The following SFMBT1 variants were observed in gnomAD, a reference collection of about 807,000 sequenced individuals.
The protein encoded by SFMBT1 is Scm like with four mbt domains 1, also known as scm-like with four MBT domains protein 1.
Under a neutral mutation model 108.7 loss-of-function variants are expected in SFMBT1, and 32 were observed. That is an observed-to-expected ratio of 0.29 (90% CI 0.22 to 0.40). The LOEUF (loss-of-function observed/expected upper bound fraction) is 0.40, where lower values mean the gene tolerates loss of function less well. Among genes scored for constraint, SFMBT1 ranks in the 10% least tolerant of loss-of-function variants. The pLI is 1.00. For synonymous variants in SFMBT1, 348 were observed against 369.5 expected, an observed-to-expected ratio of 0.94 and a Z score of 0.67; for missense variants, 816 against 1,059.6, an observed-to-expected ratio of 0.77 and a Z score of 3.19.
At chr3:52,948,674 G>A (rs928182503) in intron 3 of SFMBT1, among the ~76,000 whole-genome samples, 6 of 150,236 alleles carry the variant, frequency 4.0e-5, no homozygotes, top group African/African-American at 7.3e-5. Context: ...TTTGGAGACC[G>A]AGTCTCTCAT....
chr3:52,957,013 T>C (rs1252875459), intron 2 of SFMBT1, among the ~76,000 whole-genome samples: 2 of 152,038 alleles, frequency 1.3e-5, no homozygotes, highest in African/African-American at 2.4e-5. Flanking sequence ...GGTATTCAAA[T>C]AGGAAGAGAG....
chr3:53,005,454 A>G (rs904700043), intron 1 of SFMBT1, among the ~76,000 whole-genome samples: 1 of 152,184 alleles, frequency 6.6e-6, no homozygotes, highest in Non-Finnish European at 1.5e-5. Flanking sequence ...CTAGGACTAC[A>G]GGTGCATGCC....
rs763469199 is a variant in SFMBT1, at chr3:52,907,330, A to C, written c.2086-16T>G. On this transcript the variant is annotated splice_polypyrimidine_tract_variant and intron_variant, in intron 18 of 20. Coordinates refer to ENST00000394752, the MANE Select transcript of SFMBT1 (RefSeq NM_016329.4). ...CCCCACTTCCCTGCAGGAAAAGGAG[A>C]GAAGTCTCATTGAAATTCAGGACAT... 1 of 1,598,878 alleles carries C rather than the reference A, an allele frequency of 6.3e-7. No individual in the cohort carries two copies. The highest frequency in any genetic ancestry group is 2.2e-5 in the East Asian group (1 of 44,722).
chr3:52,990,396 C>T (rs1411807773), intron 1 of SFMBT1, among the ~76,000 whole-genome samples: 1 of 152,144 alleles, frequency 6.6e-6, no homozygotes, highest in Non-Finnish European at 1.5e-5. Flanking sequence ...AGTCAGATGA[C>T]AGAACACTCA....
chr3:53,008,049 T>TAA (rs1698806649), intron 1 of SFMBT1, among the ~76,000 whole-genome samples: 1 of 144,560 alleles, frequency 6.9e-6, no homozygotes, highest in Non-Finnish European at 1.5e-5. Flanking sequence ...AACTGAATCC[T>TAA]TTTGCTTGCC....
At chr3:52,923,323 T>C (rs1478774636) in intron 10 of SFMBT1, among the ~76,000 whole-genome samples, 1 of 152,134 alleles carries the variant, frequency 6.6e-6, no homozygotes, top group Non-Finnish European at 1.5e-5. Context: ...CCCAGCACTT[T>C]GGGAGGCTGA....
chr3:53,044,949 C>T (rs962677739), intron 1 of SFMBT1: 2 of 152,404 alleles, frequency 1.3e-5, no homozygotes, highest in Non-Finnish European at 2.9e-5. Flanking sequence ...AACGTACATC[C>T]TTTCCGCGGG....
At chr3:52,941,571 GCA>G (rs1483496592) in intron 4 of SFMBT1, among the ~76,000 whole-genome samples, 8 of 108,362 alleles carry the variant, frequency 7.4e-5, no homozygotes, top group Middle Eastern at 0.012. Flanking sequence ...TCCAGCCTGG[GCA>G]ACAGAGTGAG....
chr3:52,927,695 T>C (rs1229684888), intron 9 of SFMBT1, among the ~76,000 whole-genome samples: 1 of 152,228 alleles, frequency 6.6e-6, no homozygotes, highest in Non-Finnish European at 1.5e-5. Context: ...TTTTCCTACC[T>C]ACTCCCTGAG....
intron 1 of SFMBT1, among the ~76,000 whole-genome samples, chr3:53,040,177 T>G (rs1403325585): frequency 6.6e-6 from 1 of 152,122 alleles, no homozygotes; most frequent in Admixed American, 6.5e-5. Context: ...TGAACAGAAA[T>G]GAAGAACCAG....
At chr3:52,969,826 A>C (rs1704275815) in intron 1 of SFMBT1, among the ~76,000 whole-genome samples, 1 of 152,154 alleles carries the variant, frequency 6.6e-6, no homozygotes, top group South Asian at 2.1e-4. Flanking sequence ...TTAGGGCTGG[A>C]AGCGGTGGCT....
chr3:53,025,024 G>A (rs1699440766), intron 1 of SFMBT1, among the ~76,000 whole-genome samples: 1 of 152,024 alleles, frequency 6.6e-6, no homozygotes, highest in African/African-American at 2.4e-5. Context: ...TTTATAACAT[G>A]CCAGGTTATA....
In SFMBT1 at chr3:53,022,505, A is replaced by G. The variant is rs190770568; in HGVS notation, c.-131+23311T>C. On this transcript the variant is annotated intron_variant, in intron 1 of 20. Transcript: ENST00000394752. The stretch of plus-strand genomic sequence containing the variant: ...TAAGACCCTGTTTCTATAAAAAACA[A>G]ACAAACAAATAAATAAACCAGAATG... Among the ~76,000 whole-genome samples, 73 of 152,038 alleles carry G rather than the reference A, an allele frequency of 4.8e-4. 1 individual carries two copies. In the East Asian group the frequency reaches 7.9e-3, roughly 16 times the overall value.
At chr3:53,036,249 T>A (rs1209150115) in intron 1 of SFMBT1, among the ~76,000 whole-genome samples, 1 of 152,216 alleles carries the variant, frequency 6.6e-6, no homozygotes, top group Non-Finnish European at 1.5e-5. Flanking sequence ...TGTCCAGCTA[T>A]CCTGCCGTGG....
chr3:52,939,306 G>T (rs965111506), intron 4 of SFMBT1, among the ~76,000 whole-genome samples: 2 of 152,134 alleles, frequency 1.3e-5, no homozygotes. Flanking sequence ...ATGGTAGCCG[G>T]ACTACACCTG....
At chr3:52,983,508 T>C (rs909509553) in intron 1 of SFMBT1, among the ~76,000 whole-genome samples, 1 of 152,114 alleles carries the variant, frequency 6.6e-6, no homozygotes, top group Admixed American at 6.6e-5. Flanking sequence ...TCAACTATAA[T>C]ATGTATGTTG....
At chr3:52,916,791 T>C (rs938600337) in intron 13 of SFMBT1, among the ~76,000 whole-genome samples, 8 of 152,302 alleles carry the variant, frequency 5.3e-5, no homozygotes, top group Admixed American at 2.0e-4. Flanking sequence ...GTATATAGCA[T>C]TGTGATACTA....
rs573222783 is a variant in SFMBT1 at position 53,040,426 on chromosome 3, T to C, written c.-131+5390A>G. On this transcript the variant is annotated intron_variant, in intron 1 of 20. Coordinates refer to ENST00000394752, the MANE Select transcript of SFMBT1 (RefSeq NM_016329.4). ...CCAAATGTGTGACTGTCCCACACTT[T>C]CAACTGCCAACAAACCACCTTCCAA... Among the ~76,000 whole-genome samples, 16 of 152,288 alleles carry C rather than the reference T, an allele frequency of 1.1e-4. No individual in the cohort carries two copies. The East Asian group carries it at 2.9e-3, about 28-fold the overall frequency.
chr3:53,002,138 C>T (rs1264021716), intron 1 of SFMBT1, among the ~76,000 whole-genome samples: 4 of 149,858 alleles, frequency 2.7e-5, no homozygotes, highest in East Asian at 2.0e-4. Context: ...CAGTGGCTCA[C>T]GCCTGTAATC....
Sources: allele counts gnomAD v4.1 joint callset (sites outside exome capture counted in the v4.1 genomes callset), GRCh38; gene constraint gnomAD v4.1.1; transcripts MANE v1.5; gene names NCBI Gene and HGNC (gene_info 2026-07-23, HGNC 2026-07-21).